MR1: variants seen among roughly 807,000 people sequenced by gnomAD.
MR1 encodes major histocompatibility complex, class I-related.
A neutral mutation model predicts 37.8 loss-of-function variants in MR1; 44 were observed. That is an observed-to-expected ratio of 1.16 (90% CI 0.91 to 1.50). The LOEUF (loss-of-function observed/expected upper bound fraction) is 1.50. Ranked by LOEUF, MR1 falls within the 40% of genes most tolerant of loss-of-function variation. The probability of loss-of-function intolerance (pLI) is 0.00; values close to 1 mark genes in which losing one functional copy is unlikely to be tolerated. For synonymous variants in MR1, 153 were observed against 155.8 expected (o/e 0.98, Z 0.13); for missense variants, 386 against 419.1 (o/e 0.92, Z 0.69).
intron 3 of MR1, 117 bp from the exon 4 acceptor site, chr1:181,052,118 C>G: frequency 8.3e-7 from 1 of 1,202,376 alleles, no homozygotes; most frequent in Non-Finnish European, 1.1e-6. Context: ...CTGGGTCATT[C>G]TTAGCTTTAG....
chr1:181,052,670 A>C (rs1333322506), intron 4 of MR1, among the ~76,000 whole-genome samples, 160 bp downstream of exon 4: 1 of 152,262 alleles, frequency 6.6e-6, no homozygotes, highest in African/African-American at 2.4e-5. Context: ...TTTTGGAACC[A>C]GGACGCCTTC....
chr1:181,035,943 A>G (rs1657245795), intron 1 of MR1, among the ~76,000 whole-genome samples: 1 of 152,230 alleles, frequency 6.6e-6, no homozygotes, highest in African/African-American at 2.4e-5. Flanking sequence ...CTTAGAGTGC[A>G]TCCTTCTCTG....
At chr1:181,041,910 T>C (rs1657573286) in intron 1 of MR1, among the ~76,000 whole-genome samples, 2 of 151,926 alleles carry the variant, frequency 1.3e-5, no homozygotes, top group Non-Finnish European at 2.9e-5. Flanking sequence ...CATTTTTATC[T>C]GTTTGGTCTG....
rs779529132 is a variant in MR1 at position 181,052,480 on chromosome 1, G to A, written c.850G>A (p.Gly284Ser). ...NLYSCHVEHC[G>S]VHMVLQVPQE... ...TTACTCCTGTCATGTGGAGCACTGC[G>A]GTGTCCACATGGTTCTTCAGGTCCC... Residue 284 changes from glycine (G) to serine (S), a missense_variant, in exon 4 of 6, where the codon GGT (glycine) becomes AGT (serine). Physicochemically the swap from Gly to Ser is moderately conservative, Grantham distance 56. Coordinates refer to ENST00000367580, the MANE Select transcript of MR1 (RefSeq NM_001385161.1). 5.5e-5 allele frequency: 89 copies of A among 1,613,810 alleles called. No homozygotes were observed. Among genetic ancestry groups the A allele is most frequent in the South Asian group, 3.7e-4 (34 of 91,078 alleles).
intron 1 of MR1, among the ~76,000 whole-genome samples, chr1:181,043,828 C>T (rs180679486): frequency 2.0e-5 from 3 of 151,828 alleles, no homozygotes; most frequent in Non-Finnish European, 4.4e-5. Flanking sequence ...TTGGGGTGGT[C>T]AGTTCTGAAA....
At position 181,057,917 on chromosome 1, in the gene MR1, G is replaced by A. The variant is rs946583345; in HGVS notation, c.*2652G>A. 7.9e-5 allele frequency: 12 copies of A among 152,306 alleles called. No homozygotes were observed. The highest frequency in any genetic ancestry group is 2.9e-4 in the African/African-American group (12 of 41,464). 9.4% of individuals were successfully genotyped at this position (152,306 alleles called of 1,614,324 possible). ...CCCAGCTACTCGGGAGTCTGAGGCA[G>A]AAGAACCGCTTGAACCCGGGAGGCA... On this transcript the variant is annotated 3_prime_UTR_variant, in exon 6 of 6. Coordinates refer to ENST00000367580, the MANE Select transcript of MR1 (RefSeq NM_001385161.1).
Position 181,052,505 on chromosome 1 carries a change from C to T in MR1, c.875C>T (p.Pro292Leu), listed in dbSNP as rs1244467610. 8 of 1,610,744 alleles carry T rather than the reference C, an allele frequency of 5.0e-6. No homozygotes were observed. Among genetic ancestry groups the T allele is most frequent in the Non-Finnish European group, 6.8e-6 (8 of 1,177,224 alleles). ...GGTGTCCACATGGTTCTTCAGGTCC[C>T]CCAGGGTAAGGACGGGGATCGTGGC... ...HCGVHMVLQV[P>L]QESETIPLVM... Residue 292 changes from proline to leucine, a missense_variant, in exon 4 of 6, where the codon CCC (proline) becomes CTC (leucine). Transcript: ENST00000367580.
chr1:181,050,005 T>C lies in MR1; in HGVS notation c.329-6T>C, dbSNP rs750281779. 65 of 1,610,992 alleles carry C rather than the reference T, an allele frequency of 4.0e-5. No homozygotes were observed. Among genetic ancestry groups the C allele is most frequent in the Non-Finnish European group, 5.3e-5 (63 of 1,179,136 alleles). ...GGACCCCTCTGGGCTTCTGTGTGTGTTCCAGGGTCTCACACTTACCAGAGA... is the reference window on the plus strand; with the variant it reads ...GGACCCCTCTGGGCTTCTGTGTGTGCTCCAGGGTCTCACACTTACCAGAGA... On this transcript the variant is annotated splice_polypyrimidine_tract_variant and splice_region_variant and intron_variant, in intron 2 of 5. Transcript: ENST00000367580.
chr1:181,044,395 A>G (rs1043117084), intron 1 of MR1, among the ~76,000 whole-genome samples: 12 of 152,160 alleles, frequency 7.9e-5, no homozygotes. Context: ...GGGAGGTCCT[A>G]AAGGTGATGG....
chr1:181,039,576 C>T (rs1304232079), intron 1 of MR1, among the ~76,000 whole-genome samples: 1 of 151,970 alleles, frequency 6.6e-6, no homozygotes, highest in Non-Finnish European at 1.5e-5. Flanking sequence ...AAATAATTGC[C>T]CCCATGAGGC....
chr1:181,048,734 A>G (rs556680264), intron 1 of MR1, among the ~76,000 whole-genome samples: 6 of 152,278 alleles, frequency 3.9e-5, no homozygotes, highest in African/African-American at 1.2e-4. Context: ...TGTATCCCCA[A>G]TGAGTGGTCT....
intron 5 of MR1, among the ~76,000 whole-genome samples, chr1:181,053,923 G>A (rs1390182319): frequency 6.6e-6 from 1 of 152,128 alleles, no homozygotes; most frequent in Non-Finnish European, 1.5e-5. Context: ...ATCTGTCCAG[G>A]GGAACTGTCC....
At chr1:181,033,700 C>A (rs557080996), upstream of MR1, among the ~76,000 whole-genome samples, 1 of 152,224 alleles carries the variant, frequency 6.6e-6, no homozygotes, top group East Asian at 1.9e-4. Context: ...CCCTGATTGA[C>A]CAGATATGAT....
intron 5 of MR1, 97 bp downstream of exon 5, chr1:181,053,774 A>C: frequency 1.1e-6 from 1 of 891,336 alleles, no homozygotes; most frequent in Non-Finnish European, 1.8e-6. Context: ...CCATTCAGAA[A>C]TGGCTTGGCT....
intron 3 of MR1, chr1:181,051,304 T>G (rs902333941): frequency 6.6e-6 from 1 of 150,848 alleles, no homozygotes; most frequent in Non-Finnish European, 1.5e-5. Context: ...TAGAAAAGGA[T>G]CTTGGATTAA....
At position 181,055,927 on chromosome 1, in the gene MR1, C is replaced by G. The variant is rs946301550; in HGVS notation, c.*662C>G. 17 of 152,228 alleles carry G rather than the reference C, an allele frequency of 1.1e-4. No homozygotes were observed. The highest frequency in any genetic ancestry group is 4.1e-4 in the African/African-American group (17 of 41,422). The allele number at this position is 152,228 out of a possible 1,614,324, so 9.4% of individuals were successfully genotyped here. On this transcript the variant is annotated 3_prime_UTR_variant, in exon 6 of 6. Transcript: ENST00000367580. ...GCAACCCTGCCTGGGAGCTTGGAATCTTGGTAATCTGCCCGGTTGGATCTA... is the reference window on the plus strand; with the variant it reads ...GCAACCCTGCCTGGGAGCTTGGAATGTTGGTAATCTGCCCGGTTGGATCTA...
At chr1:181,048,219 AAAAATAAATAAAAT>A (rs1206013163) in intron 1 of MR1, among the ~76,000 whole-genome samples, 2 of 120,032 alleles carry the variant, frequency 1.7e-5, no homozygotes, top group African/African-American at 3.8e-5. Context: ...TCCATCTCAA[AAAAATAAATAAAAT>A]AAAATAAATA....
chr1:181,039,701 A>G (rs1321871897), intron 1 of MR1, among the ~76,000 whole-genome samples: 1 of 152,044 alleles, frequency 6.6e-6, no homozygotes, highest in Non-Finnish European at 1.5e-5. Context: ...CCCTGTCTCT[A>G]CTAAAAATAC....
intron 1 of MR1, among the ~76,000 whole-genome samples, chr1:181,047,319 G>C (rs954585235): frequency 2.6e-5 from 4 of 152,022 alleles, no homozygotes; most frequent in Non-Finnish European, 5.9e-5. Context: ...AAAAAATTTC[G>C]GCCGGCCATG....
Sources: allele counts gnomAD v4.1 joint callset (sites outside exome capture counted in the v4.1 genomes callset), GRCh38; gene constraint gnomAD v4.1.1; transcripts MANE v1.5; gene names NCBI Gene and HGNC (gene_info 2026-07-23, HGNC 2026-07-21).